Variants in CHST11 observed in about 807,000 individuals in gnomAD.
CHST11 encodes carbohydrate sulfotransferase 11.
In CHST11, 9 loss-of-function variants were observed where a neutral mutation model predicts 30.4. The observed-to-expected ratio is 0.30, with a 90% confidence interval of 0.18 to 0.52. CHST11 has a LOEUF of 0.52. CHST11 is among the 20% of genes least tolerant of loss of function. CHST11 has a pLI of 0.97. For synonymous variants in CHST11, 152 were observed against 187.8 expected, an observed-to-expected ratio of 0.81 and a Z score of 1.56; for missense variants, 348 against 460.6, an observed-to-expected ratio of 0.76 and a Z score of 2.24.
rs1046833891 is a variant in CHST11 at position 104,597,356 on chromosome 12, G to A, written c.119-4550G>A. Reference sequence around the variant, plus strand: ...GTTTAGAGAGGAGAAAACAAGTGTTGTGGCTAAATAAAACTCCCAGTGGGC... The same window carrying A: ...GTTTAGAGAGGAGAAAACAAGTGTTATGGCTAAATAAAACTCCCAGTGGGC... On this transcript the variant is annotated intron_variant, in intron 1 of 2. Coordinates refer to ENST00000303694, the MANE Select transcript of CHST11 (RefSeq NM_018413.6). Among the ~76,000 whole-genome samples, 16 of 152,058 alleles carry A rather than the reference G, an allele frequency of 1.1e-4. 1 individual carries two copies. The highest frequency in any genetic ancestry group is 1.5e-5 in the Non-Finnish European group (1 of 68,014).
chr12:104,544,699 T>G (rs1357766832), intron 1 of CHST11, among the ~76,000 whole-genome samples: 1 of 81,978 alleles, frequency 1.2e-5, no homozygotes, highest in East Asian at 5.6e-4. Flanking sequence ...AGAGGGAGAC[T>G]TGGTCTAAAA....
At chr12:104,658,008 G>T (rs938607337) in intron 2 of CHST11, among the ~76,000 whole-genome samples, 3 of 152,154 alleles carry the variant, frequency 2.0e-5, no homozygotes, top group Admixed American at 2.0e-4. Flanking sequence ...CACCTTCCTG[G>T]GTAGTTTTCC....
chr12:104,717,231 T>G (rs2040138268), intron 2 of CHST11, among the ~76,000 whole-genome samples: 1 of 152,236 alleles, frequency 6.6e-6, no homozygotes, highest in Admixed American at 6.5e-5. Context: ...ACATCTTGGA[T>G]GCAGGAAGAG....
chr12:104,692,709 T>C (rs2039907827), intron 2 of CHST11, among the ~76,000 whole-genome samples: 1 of 152,086 alleles, frequency 6.6e-6, no homozygotes, highest in African/African-American at 2.4e-5. Flanking sequence ...CCACCTCCTG[T>C]CATATCAGTG....
chr12:104,665,064 T>A (rs1305513719), intron 2 of CHST11, among the ~76,000 whole-genome samples: 1 of 152,196 alleles, frequency 6.6e-6, no homozygotes, highest in Non-Finnish European at 1.5e-5. Context: ...GGTAACTCCA[T>A]AAACTTTCAT....
chr12:104,645,932 C>T (rs1189282667), intron 2 of CHST11, among the ~76,000 whole-genome samples: 2 of 152,204 alleles, frequency 1.3e-5, no homozygotes, highest in Non-Finnish European at 2.9e-5. Flanking sequence ...TCAAGCTCGT[C>T]ATCATGGTGG....
chr12:104,559,372 C>T (rs1198586616), intron 1 of CHST11, among the ~76,000 whole-genome samples: 1 of 152,228 alleles, frequency 6.6e-6, no homozygotes, highest in African/African-American at 2.4e-5. Context: ...CATTCCAGGA[C>T]TAAGGAGATG....
chr12:104,596,125 C>T (rs1387278321), intron 1 of CHST11, among the ~76,000 whole-genome samples: 2 of 152,342 alleles, frequency 1.3e-5, no homozygotes, highest in African/African-American at 2.4e-5. Context: ...GCAGGAGCAG[C>T]TCCTTCTGAA....
intron 2 of CHST11, among the ~76,000 whole-genome samples, chr12:104,692,246 G>A (rs146543843): frequency 6.6e-6 from 1 of 152,268 alleles, no homozygotes; most frequent in Non-Finnish European, 1.5e-5. Flanking sequence ...CAGCTGCTCC[G>A]ACGCATGCAG....
At chr12:104,494,985 C>T (rs1391317791) in intron 1 of CHST11, among the ~76,000 whole-genome samples, 1 of 152,112 alleles carries the variant, frequency 6.6e-6, no homozygotes, top group African/African-American at 2.4e-5. Context: ...TTTTCTCAGA[C>T]CCCCTGAGCT....
chr12:104,482,345 C>T (rs1037714679), intron 1 of CHST11, among the ~76,000 whole-genome samples: 25 of 64,374 alleles, frequency 3.9e-4, no homozygotes, highest in African/African-American at 1.6e-3. Flanking sequence ...AAACAGGGAG[C>T]CCCCCCCCGC....
intron 1 of CHST11, among the ~76,000 whole-genome samples, chr12:104,537,693 CTTTT>C (rs3039113): frequency 2.4e-5 from 3 of 124,460 alleles, no homozygotes; most frequent in Non-Finnish European, 1.7e-5. Context: ...TACCTCCCTG[CTTTT>C]TTTTTTTTTT....
chr12:104,710,685 A>G (rs1258245021), intron 2 of CHST11, among the ~76,000 whole-genome samples: 3 of 152,176 alleles, frequency 2.0e-5, no homozygotes, highest in Non-Finnish European at 4.4e-5. Flanking sequence ...CCCCCAGACG[A>G]TGAGTAAACG....
intron 2 of CHST11, among the ~76,000 whole-genome samples, chr12:104,660,266 A>G: frequency 6.6e-6 from 1 of 152,182 alleles, no homozygotes; most frequent in East Asian, 1.9e-4. Flanking sequence ...GTACCACGCC[A>G]GGACCAGAGG....
At chr12:104,627,327 G>A (rs1026734744) in intron 2 of CHST11, among the ~76,000 whole-genome samples, 1 of 152,184 alleles carries the variant, frequency 6.6e-6, no homozygotes, top group African/African-American at 2.4e-5. Flanking sequence ...TTGTGTGGAT[G>A]TAAGTTTTCA....
At chr12:104,565,021 A>G (rs913973822) in intron 1 of CHST11, among the ~76,000 whole-genome samples, 4 of 152,150 alleles carry the variant, frequency 2.6e-5, no homozygotes, top group African/African-American at 9.7e-5. Context: ...TGTGGGGATT[A>G]TGGGAGCTAC....
chr12:104,755,537 G>C (rs1450758592), intron 2 of CHST11, among the ~76,000 whole-genome samples: 1 of 152,146 alleles, frequency 6.6e-6, no homozygotes, highest in East Asian at 1.9e-4. Context: ...TGCAGTCTCA[G>C]CACTTTGGGA....
intron 2 of CHST11, among the ~76,000 whole-genome samples, chr12:104,709,410 C>T (rs1032456105): frequency 9.2e-5 from 14 of 152,312 alleles, no homozygotes; most frequent in African/African-American, 2.2e-4. Flanking sequence ...CACAGGCTGT[C>T]GTCCGGTAGA....
intron 2 of CHST11, among the ~76,000 whole-genome samples, chr12:104,630,432 C>G (rs1312919428): frequency 6.6e-6 from 1 of 152,214 alleles, no homozygotes; most frequent in Non-Finnish European, 1.5e-5. Context: ...TAAATGTTAG[C>G]TGTTACAACC....
Sources: gnomAD v4.1 joint callset for allele counts (sites outside exome capture counted in the v4.1 genomes callset) on GRCh38, gnomAD v4.1.1 for gene constraint, MANE v1.5 for transcripts, NCBI Gene and HGNC (gene_info 2026-07-23, HGNC 2026-07-21) for gene names.